Variants in PALS2 observed in about 807,000 individuals in gnomAD.
PALS2 encodes protein associated with LIN7 2, MAGUK p55 family member.
In PALS2, 27 loss-of-function variants were observed where a neutral mutation model predicts 61.6. That is an observed-to-expected ratio of 0.44 (90% CI 0.32 to 0.60). The LOEUF (loss-of-function observed/expected upper bound fraction) is 0.60, where lower values mean the gene tolerates loss of function less well. Ranked by LOEUF, PALS2 falls within the 20% of genes least tolerant of loss-of-function variation. The pLI is 0.05. For missense variants in PALS2, 554 were observed against 639.4 expected (o/e 0.87, Z 1.44); for synonymous variants, 236 against 218.6 (o/e 1.08, Z -0.70).
At chr7:24,581,591 C>A (rs1181622539) in intron 1 of PALS2, among the ~76,000 whole-genome samples, 1 of 152,160 alleles carries the variant, frequency 6.6e-6, no homozygotes, top group Non-Finnish European at 1.5e-5. Context: ...TTTTGCTGAA[C>A]AATCTCCAGG....
At chr7:24,648,711 C>T (rs1785975069) in intron 3 of PALS2, among the ~76,000 whole-genome samples, 1 of 151,898 alleles carries the variant, frequency 6.6e-6, no homozygotes, top group East Asian at 1.9e-4. Context: ...CGAGACCATC[C>T]TAGCTAACAC....
At chr7:24,668,968 C>G (rs1787168974) in intron 9 of PALS2, among the ~76,000 whole-genome samples, 4 of 152,228 alleles carry the variant, frequency 2.6e-5, no homozygotes, top group South Asian at 4.1e-4. Flanking sequence ...TTTTCTTGTA[C>G]TGATGTCTAT....
chr7:24,630,269 A>G (rs1298285035), intron 2 of PALS2, among the ~76,000 whole-genome samples: 1 of 152,100 alleles, frequency 6.6e-6, no homozygotes, highest in Non-Finnish European at 1.5e-5. Context: ...AGTGGGTGTA[A>G]GTTGAACAAT....
chr7:24,675,464 A>G (rs1276562742), intron 9 of PALS2, among the ~76,000 whole-genome samples: 2 of 150,552 alleles, frequency 1.3e-5, no homozygotes, highest in East Asian at 3.9e-4. Context: ...ATATGTATAC[A>G]TGTGCCATGG....
chr7:24,585,069 T>C (rs1387390985), intron 1 of PALS2, among the ~76,000 whole-genome samples: 1 of 152,144 alleles, frequency 6.6e-6, no homozygotes, highest in African/African-American at 2.4e-5. Flanking sequence ...ACTGTAGCCT[T>C]GTAGTATAGT....
chr7:24,587,626 C>T (rs191603754), intron 1 of PALS2, among the ~76,000 whole-genome samples: 84 of 151,678 alleles, frequency 5.5e-4, no homozygotes, highest in South Asian at 8.3e-4. Context: ...ATCCTCCCTT[C>T]TTGGCCTCCC....
At position 24,674,176 on chromosome 7, in the gene PALS2, T is replaced by A. The variant is rs1787445493; in HGVS notation, c.1115-4955T>A. On this transcript the variant is annotated intron_variant, in intron 9 of 11. Transcript: ENST00000222644. Reference sequence around the variant, plus strand: ...GTTCCAACCCTTCTTCCCTCCACAATGACCTTAAACCTTACATGAGTACAG... The same window carrying A: ...GTTCCAACCCTTCTTCCCTCCACAAAGACCTTAAACCTTACATGAGTACAG... 2.0e-5 allele frequency: 3 copies of A among 152,516 alleles called. No individual in the cohort carries two copies. The South Asian group carries it at 6.2e-4, about 32-fold the overall frequency. 9.4% of individuals were successfully genotyped at this position (152,516 alleles called of 1,614,324 possible).
intron 1 of PALS2, among the ~76,000 whole-genome samples, chr7:24,598,045 A>G (rs536734038): frequency 6.6e-6 from 1 of 152,224 alleles, no homozygotes; most frequent in South Asian, 2.1e-4. Context: ...AGGGGAGATG[A>G]TTACTTCATG....
At chr7:24,675,506 G>C (rs1787522783) in intron 9 of PALS2, among the ~76,000 whole-genome samples, 1 of 148,810 alleles carries the variant, frequency 6.7e-6, no homozygotes. Context: ...TCGTCATCTA[G>C]CATTAGGTAT....
At chr7:24,612,340 T>C (rs1288357427) in intron 1 of PALS2, among the ~76,000 whole-genome samples, 1 of 151,952 alleles carries the variant, frequency 6.6e-6, no homozygotes, top group Non-Finnish European at 1.5e-5. Context: ...GAATATACAG[T>C]GTTTTTACAG....
intron 1 of PALS2, chr7:24,619,955 C>T (rs191770872): frequency 7.9e-5 from 12 of 152,032 alleles, no homozygotes; most frequent in African/African-American, 2.9e-4. Context: ...CAGAGAGCCT[C>T]TTATTTTATA....
chr7:24,582,785 T>C (rs1782894248), intron 1 of PALS2, among the ~76,000 whole-genome samples: 1 of 151,932 alleles, frequency 6.6e-6, no homozygotes, highest in Non-Finnish European at 1.5e-5. Context: ...ACTCCAATAA[T>C]TGGGTTTCTT....
chr7:24,667,918 G>A (rs1314778897), intron 8 of PALS2, among the ~76,000 whole-genome samples: 2 of 151,848 alleles, frequency 1.3e-5, no homozygotes, highest in African/African-American at 4.8e-5. Context: ...CGCCCACCTC[G>A]GCCTGCGAAA....
chr7:24,668,613 A>G lies in PALS2; in HGVS notation c.1067A>G (p.Asn356Ser). 6.2e-7 allele frequency: 1 copy of G among 1,613,972 alleles called. No homozygotes were observed. Among genetic ancestry groups the G allele is most frequent in the South Asian group, 1.1e-5 (1 of 91,082 alleles). ...GGTGTAGGCCGAAGAAGCTTGAAAAACAGGTTCATAGTATTGAATCCCACT... is the reference window on the plus strand; with the variant it reads ...GGTGTAGGCCGAAGAAGCTTGAAAAGCAGGTTCATAGTATTGAATCCCACT... ...AQGVGRRSLK[N>S]RFIVLNPTRF... The change falls in exon 9 of 12, where the codon AAC becomes AGC. Residue 356 changes from asparagine to serine, a missense_variant. Physicochemically the swap from Asn to Ser is conservative, Grantham distance 46 (BLOSUM62 1). Transcript: ENST00000222644.
intron 5 of PALS2, 33 bp from the exon 6 acceptor site, chr7:24,663,556 AC>A (rs751759217): frequency 1.9e-5 from 29 of 1,535,754 alleles, no homozygotes; most frequent in Non-Finnish European, 2.6e-5. Context: ...AAGTGATACA[AC>A]TATAGTATTT....
intron 9 of PALS2, among the ~76,000 whole-genome samples, chr7:24,668,947 G>A (rs1211847925): frequency 6.6e-6 from 1 of 152,164 alleles, no homozygotes; most frequent in African/African-American, 2.4e-5. Flanking sequence ...TGGCAAGATA[G>A]GCATTTAGGA....
intron 1 of PALS2, among the ~76,000 whole-genome samples, chr7:24,582,714 A>C (rs915179191): frequency 1.1e-4 from 16 of 151,938 alleles, no homozygotes; most frequent in Admixed American, 6.6e-5. Context: ...TGCTTTTTTT[A>C]TTCCTCTTTT....
At chr7:24,649,378 C>T (rs1470987001) in intron 3 of PALS2, among the ~76,000 whole-genome samples, 4 of 152,020 alleles carry the variant, frequency 2.6e-5, no homozygotes, top group African/African-American at 9.7e-5. Context: ...TCACTAATAT[C>T]TCTTCATATC....
chr7:24,680,287 T>G (rs1270664808), intron 10 of PALS2, 105 bp from the exon 11 acceptor site: 11 of 1,165,232 alleles, frequency 9.4e-6, no homozygotes, highest in Non-Finnish European at 2.5e-6. Flanking sequence ...GTTATGTCCT[T>G]TAATTCATAG....
Sources: allele counts gnomAD v4.1 joint callset (sites outside exome capture counted in the v4.1 genomes callset), GRCh38; gene constraint gnomAD v4.1.1; transcripts MANE v1.5; gene names NCBI Gene and HGNC (gene_info 2026-07-23, HGNC 2026-07-21).